Variants in SLC25A48 observed in about 807,000 individuals in gnomAD.
The protein encoded by SLC25A48 is CTC-321K16.1.
A neutral mutation model predicts 32.2 loss-of-function variants in SLC25A48; 29 were observed. That is an observed-to-expected ratio of 0.90 (90% CI 0.67 to 1.23). SLC25A48 has a LOEUF of 1.23. SLC25A48 is among the 50% of genes most tolerant of loss of function. The pLI, the probability that SLC25A48 is intolerant of heterozygous loss-of-function variation, is 0.00. For missense variants in SLC25A48, 399 were observed against 422.7 expected, an observed-to-expected ratio of 0.94 and a Z score of 0.49; for synonymous variants, 164 against 172.3, an observed-to-expected ratio of 0.95 and a Z score of 0.38.
chr5:135,745,069 G>A (rs889956378), intron 3 of SLC25A48, among the ~76,000 whole-genome samples: 11 of 152,208 alleles, frequency 7.2e-5, no homozygotes, highest in Non-Finnish European at 1.0e-4. Context: ...ACCCAGCAGT[G>A]CTAGAGGAAT....
chr5:135,728,243 G>A lies in SLC25A48; in HGVS notation c.-520-84280G>A, dbSNP rs146099089. On this transcript the variant is annotated intron_variant, in intron 3 of 10. Coordinates refer to the SLC25A48 transcript ENST00000646290. ...TGCACTCCAGCGTGGGTGACAGATC[G>A]AGACTCTGTCTCAAAAAAAAAAAAA... Among the ~76,000 whole-genome samples the A allele has an allele frequency of 3.1e-3, 388 of 124,010 alleles. 2 individuals are homozygous for A. Among genetic ancestry groups the A allele is most frequent in the African/African-American group, 0.011 (382 of 34,342 alleles). 81.4% of individuals were successfully genotyped at this position (124,010 alleles called of 152,430 possible). A position where few individuals can be genotyped will look rare whatever the true frequency, so the allele number is the denominator to read the frequency against.
intron 1 of SLC25A48, among the ~76,000 whole-genome samples, chr5:135,593,823 C>G (rs1751583085): frequency 6.6e-6 from 1 of 152,188 alleles, no homozygotes; most frequent in East Asian, 1.9e-4. Flanking sequence ...GACAAACGTT[C>G]TGAAATGGGA....
intron 4 of SLC25A48, among the ~76,000 whole-genome samples, chr5:135,815,168 CA>C (rs1177014246): frequency 6.6e-6 from 1 of 152,142 alleles, no homozygotes; most frequent in Non-Finnish European, 1.5e-5. Flanking sequence ...ACCTTTTTGG[CA>C]CCAGGAACCA....
At chr5:135,637,621 G>A (rs1580743256) in intron 3 of SLC25A48, among the ~76,000 whole-genome samples, 1 of 152,116 alleles carries the variant, frequency 6.6e-6, no homozygotes, top group Non-Finnish European at 1.5e-5. Flanking sequence ...TTTTTCCATC[G>A]GGAGAGAAAT....
chr5:135,876,592 A>G (rs154649), intron 6 of SLC25A48, among the ~76,000 whole-genome samples: 30,264 of 152,056 alleles, frequency 0.2, 5,176 homozygotes, highest in African/African-American at 0.46. Flanking sequence ...AGGATATACT[A>G]TCTCGATGCC....
At chr5:135,677,046 G>A (rs144313298) in intron 3 of SLC25A48, among the ~76,000 whole-genome samples, 7 of 152,040 alleles carry the variant, frequency 4.6e-5, no homozygotes, top group African/African-American at 1.7e-4. Flanking sequence ...AATGCTAATA[G>A]TAGAGGGCTG....
chr5:135,792,603 T>A (rs1226594099), intron 3 of SLC25A48, among the ~76,000 whole-genome samples: 2 of 151,804 alleles, frequency 1.3e-5, no homozygotes, highest in East Asian at 3.8e-4. Context: ...ACTGTGCATT[T>A]ACACCTTGTT....
At chr5:135,760,621 G>C (rs1756040010) in intron 3 of SLC25A48, among the ~76,000 whole-genome samples, 1 of 152,182 alleles carries the variant, frequency 6.6e-6, no homozygotes, top group Admixed American at 6.6e-5. Context: ...AGTGATCTGG[G>C]AAGTTGAGTG....
intron 1 of SLC25A48, among the ~76,000 whole-genome samples, chr5:135,613,146 G>A (rs1051419325): frequency 2.0e-5 from 3 of 152,020 alleles, no homozygotes; most frequent in Non-Finnish European, 4.4e-5. Flanking sequence ...TCTCATTGTG[G>A]TTTGACTTGC....
chr5:135,593,076 C>A (rs1339472308), intron 1 of SLC25A48, among the ~76,000 whole-genome samples: 1 of 152,178 alleles, frequency 6.6e-6, no homozygotes, highest in Non-Finnish European at 1.5e-5. Context: ...CTTCCTGACT[C>A]CTGTTTAATA....
chr5:135,820,668 T>C (rs914662491), intron 4 of SLC25A48, among the ~76,000 whole-genome samples: 4 of 152,218 alleles, frequency 2.6e-5, no homozygotes, highest in African/African-American at 9.6e-5. Flanking sequence ...GCTAAGAATT[T>C]AGAATGTGTC....
intron 3 of SLC25A48, among the ~76,000 whole-genome samples, chr5:135,805,841 C>T (rs1200859069): frequency 6.6e-6 from 1 of 151,120 alleles, no homozygotes; most frequent in African/African-American, 2.4e-5. Context: ...GATATTACTC[C>T]TAATATCCCT....
At chr5:135,702,018 A>G (rs775365504) in intron 3 of SLC25A48, among the ~76,000 whole-genome samples, 152 of 152,228 alleles carry the variant, frequency 1.0e-3, no homozygotes, top group Non-Finnish European at 1.6e-3. Context: ...TTACATATGG[A>G]TGAGAAAGAT....
chr5:135,684,237 G>A (rs139015095), intron 3 of SLC25A48, among the ~76,000 whole-genome samples: 17 of 152,182 alleles, frequency 1.1e-4, no homozygotes, highest in African/African-American at 3.4e-4. Flanking sequence ...GTCTTTCTAG[G>A]TGTATTCTTT....
chr5:135,730,993 G>GAAACAT (rs1755207508), intron 3 of SLC25A48, among the ~76,000 whole-genome samples: 1 of 152,190 alleles, frequency 6.6e-6, no homozygotes, highest in African/African-American at 2.4e-5. Context: ...GGCCTGCTGT[G>GAAACAT]GAGTTTCACT....
At chr5:135,809,353 A>G (rs1160354008) in intron 3 of SLC25A48, among the ~76,000 whole-genome samples, 1 of 152,178 alleles carries the variant, frequency 6.6e-6, no homozygotes, top group Non-Finnish European at 1.5e-5. Flanking sequence ...CTGGAATGAG[A>G]AAGCTCTCAT....
intron 3 of SLC25A48, among the ~76,000 whole-genome samples, chr5:135,793,053 C>A (rs894972014): frequency 2.0e-5 from 3 of 151,292 alleles, no homozygotes; most frequent in Admixed American, 1.3e-4. Context: ...GGTGGGTACA[C>A]CCTGGGATAT....
intron 6 of SLC25A48, 49 bp downstream of exon 6, chr5:135,874,203 G>A (rs1453453761): frequency 7.1e-7 from 1 of 1,399,510 alleles, no homozygotes. Context: ...CTGGAAGGTG[G>A]TTCACACATT....
chr5:135,803,020 T>C (rs971112489), intron 3 of SLC25A48: 3 of 151,584 alleles, frequency 2.0e-5, no homozygotes, highest in African/African-American at 7.3e-5. Flanking sequence ...ATATTATTCA[T>C]AATAACCTAG....
Sources: gnomAD v4.1 joint callset for allele counts (sites outside exome capture counted in the v4.1 genomes callset) on GRCh38, gnomAD v4.1.1 for gene constraint, MANE v1.5 for transcripts, NCBI Gene and HGNC (gene_info 2026-07-23, HGNC 2026-07-21) for gene names.